The following PDE3A variants were observed in gnomAD, a reference collection of about 807,000 sequenced individuals.
PDE3A encodes cGMP-inhibited 3',5'-cyclic phosphodiesterase 3A.
PDE3A carries 43 observed loss-of-function variants against 98.3 expected under a neutral mutation model. The observed-to-expected ratio is 0.44, with a 90% CI of 0.34 to 0.56. The LOEUF is 0.56. Among genes scored for constraint, PDE3A ranks in the 20% least tolerant of loss-of-function variants. The pLI is 0.01. For missense variants in PDE3A, 1,427 were observed against 1,440.7 expected (o/e 0.99, Z 0.15); for synonymous variants, 663 against 567.9 (o/e 1.17, Z -2.38).
In PDE3A at chr12:20,552,766, T is replaced by A; in HGVS notation, c.961-3894T>A. ...GCCGGCGAGCGGCAGCCCGTTCCAG[T>A]TGTTCCTGAGTAAAGTGGAGGAGAC... On this transcript the variant is annotated intron_variant, in intron 1 of 15. Coordinates refer to ENST00000359062, the MANE Select transcript of PDE3A (RefSeq NM_000921.5). This position sits in a 1 kb window ranked among gnomAD's most constrained non-coding sequence, Gnocchi z 5.1. The A allele has an allele frequency of 6.2e-7, 1 of 1,614,042 alleles. No individual in the cohort carries two copies. The highest frequency in any genetic ancestry group is 2.2e-5 in the East Asian group (1 of 44,880).
At chr12:20,578,868 T>C (rs900476582) in intron 2 of PDE3A, among the ~76,000 whole-genome samples, 1 of 152,168 alleles carries the variant, frequency 6.6e-6, no homozygotes, top group African/African-American at 2.4e-5. Context: ...TGTAAGTCTT[T>C]AGGAGTTTAA....
intron 1 of PDE3A, among the ~76,000 whole-genome samples, chr12:20,373,035 C>T (rs1295066653): frequency 6.6e-6 from 1 of 152,080 alleles, no homozygotes; most frequent in African/African-American, 2.4e-5. Flanking sequence ...ATTTTTCTCT[C>T]TCCCTCCCTT....
intron 15 of PDE3A, among the ~76,000 whole-genome samples, chr12:20,676,847 T>G (rs984851015): frequency 6.6e-6 from 1 of 152,138 alleles, no homozygotes; most frequent in African/African-American, 2.4e-5. Flanking sequence ...GGGAGGACCT[T>G]GAATTTTATT....
At chr12:20,558,091 T>G (rs12229360) in intron 2 of PDE3A, among the ~76,000 whole-genome samples, 10,386 of 152,110 alleles carry the variant, frequency 0.068, 539 homozygotes, top group East Asian at 0.2. Context: ...AGCAAGGTAG[T>G]GTTATATATA....
chr12:20,556,879 A>T, intron 2 of PDE3A, 169 bp downstream of exon 2: 2 of 661,852 alleles, frequency 3.0e-6, no homozygotes, highest in Non-Finnish European at 5.5e-6. Flanking sequence ...TTCAAATCCC[A>T]AAGGCAGATG....
chr12:20,369,192 T>TGTGTGC lies in PDE3A; in HGVS notation c.-88_-87insCGTGTG. ...TGGAATTGGGAAGAGCGTGCGTGCG[T>TGTGTGC]GTGTGTGTGTGTGTGTGTGCGCGCG... is the stretch of plus-strand genomic sequence containing the variant. On this transcript the variant is annotated 5_prime_UTR_variant, in exon 1 of 16. Transcript: ENST00000359062. The TGTGTGC allele has an allele frequency of 4.2e-6, 1 of 239,852 alleles. No homozygotes were observed. Among genetic ancestry groups the TGTGTGC allele is most frequent in the Non-Finnish European group, 6.0e-6 (1 of 166,512 alleles). The allele number at this position is 239,852 out of a possible 1,614,324, so 14.9% of individuals were successfully genotyped here. A position where few individuals can be genotyped will look rare whatever the true frequency, so the allele number is the denominator to read the frequency against.
chr12:20,433,899 T>A, intron 1 of PDE3A, among the ~76,000 whole-genome samples: 1 of 151,302 alleles, frequency 6.6e-6, no homozygotes, highest in East Asian at 2.0e-4. Context: ...GGTCCCAGTG[T>A]TTTAAGTATA....
intron 1 of PDE3A, among the ~76,000 whole-genome samples, chr12:20,492,100 C>A (rs1945836734): frequency 6.6e-6 from 1 of 152,026 alleles, no homozygotes; most frequent in Non-Finnish European, 1.5e-5. Context: ...TATGCCTCAG[C>A]CTTCTGAGTA....
intron 15 of PDE3A, among the ~76,000 whole-genome samples, chr12:20,675,780 C>T (rs1418208373): frequency 2.0e-5 from 3 of 152,110 alleles, no homozygotes; most frequent in African/African-American, 7.2e-5. Flanking sequence ...GCTACTCTTG[C>T]TTTTTTGCTT....
At chr12:20,624,614 T>C (rs1488645555) in intron 5 of PDE3A, among the ~76,000 whole-genome samples, 2 of 152,180 alleles carry the variant, frequency 1.3e-5, no homozygotes, top group African/African-American at 4.8e-5. Context: ...GGATTTTGCA[T>C]TGTGGCATCT....
intron 1 of PDE3A, among the ~76,000 whole-genome samples, chr12:20,417,638 G>A (rs529312685): frequency 6.6e-6 from 1 of 152,154 alleles, no homozygotes; most frequent in African/African-American, 2.4e-5. Context: ...GGCTCATTTA[G>A]GCAATTAAAG....
At chr12:20,607,540 T>C (rs1943742599) in intron 2 of PDE3A, among the ~76,000 whole-genome samples, 1 of 152,108 alleles carries the variant, frequency 6.6e-6, no homozygotes, top group Non-Finnish European at 1.5e-5. Flanking sequence ...CGCACTTTCC[T>C]CCACTGTTTA....
intron 2 of PDE3A, among the ~76,000 whole-genome samples, chr12:20,575,155 G>T (rs1028292828): frequency 6.6e-6 from 1 of 151,834 alleles, no homozygotes; most frequent in Admixed American, 6.6e-5. Flanking sequence ...ATTTTCAGTG[G>T]GAATAGTAAT....
At chr12:20,388,079 T>C (rs2120591501) in intron 1 of PDE3A, among the ~76,000 whole-genome samples, 1 of 152,214 alleles carries the variant, frequency 6.6e-6, no homozygotes, top group Admixed American at 6.6e-5. Flanking sequence ...TTTGACATTG[T>C]TCCTTTGGAT....
chr12:20,665,086 C>A (rs1039766284), intron 15 of PDE3A, among the ~76,000 whole-genome samples: 5 of 152,086 alleles, frequency 3.3e-5, no homozygotes, highest in Admixed American at 6.5e-5. Context: ...AATATTGTAC[C>A]AACTGGGCCA....
chr12:20,531,256 ATTTG>A (rs1435793760), intron 1 of PDE3A, among the ~76,000 whole-genome samples: 1 of 152,174 alleles, frequency 6.6e-6, no homozygotes, highest in Non-Finnish European at 1.5e-5. Flanking sequence ...ATTTTCCCAT[ATTTG>A]TTCTTGCAAG....
chr12:20,552,819 G>T lies in PDE3A; in HGVS notation c.961-3841G>T. The T allele has an allele frequency of 6.2e-7, 1 of 1,613,986 alleles. No homozygotes were observed. On this transcript the variant is annotated intron_variant, in intron 1 of 15. Transcript: ENST00000359062. This position sits in a 1 kb window ranked among gnomAD's most constrained non-coding sequence, Gnocchi z 5.1. Reference sequence around the variant, plus strand: ...TCCAGTGTATCTGCTGTCAGGAGCTGGTGTTCCGGCCCATCACGACCGTGT... The same window carrying T: ...TCCAGTGTATCTGCTGTCAGGAGCTTGTGTTCCGGCCCATCACGACCGTGT...
At chr12:20,411,948 TCA>T (rs10594586) in intron 1 of PDE3A, among the ~76,000 whole-genome samples, 94,318 of 151,788 alleles carry the variant, frequency 0.62, 30,908 homozygotes, top group East Asian at 0.88. Flanking sequence ...TTTAATTTTC[TCA>T]GTGTTTATAT....
intron 2 of PDE3A, among the ~76,000 whole-genome samples, chr12:20,565,657 T>C (rs1942638225): frequency 6.6e-6 from 1 of 151,946 alleles, no homozygotes; most frequent in Non-Finnish European, 1.5e-5. Context: ...ATGTTGATCT[T>C]TTAAGATGAA....
Sources: gnomAD v4.1 joint callset for allele counts (sites outside exome capture counted in the v4.1 genomes callset) on GRCh38, gnomAD v4.1.1 for gene constraint, Gnocchi (gnomAD v3.1) non-coding constraint, MANE v1.5 for transcripts, NCBI Gene and HGNC (gene_info 2026-07-23, HGNC 2026-07-21) for gene names.